The following FRRS1 variants were observed in gnomAD, a reference collection of about 807,000 sequenced individuals.
FRRS1 encodes ferric reductase 1.
In FRRS1, 51 loss-of-function variants were observed where a neutral mutation model predicts 70.7. The observed-to-expected ratio is 0.72, with a 90% CI of 0.58 to 0.91. FRRS1 has a LOEUF of 0.91. Ranked by LOEUF, FRRS1 falls within the 40% of genes least tolerant of loss-of-function variation. The pLI is 0.00. For synonymous variants in FRRS1, 225 were observed against 238.7 expected (o/e 0.94, Z 0.53); for missense variants, 672 against 726.0 (o/e 0.93, Z 0.86).
rs1486298427 is a variant in FRRS1 at position 99,704,873 on chromosome 1, G to T, written c.*4155C>A. On this transcript the variant is annotated 3_prime_UTR_variant, in exon 17 of 17. Coordinates refer to ENST00000646001, the MANE Select transcript of FRRS1 (RefSeq NM_001361041.2). ...GCAGTCTAGCGGCCCAACTCCAGGG[G>T]AAAACCATCTCCCTTCTGGCTCCCC... Among the ~76,000 whole-genome samples, 1 of 152,084 alleles carries T rather than the reference G, an allele frequency of 6.6e-6. No homozygotes were observed. The highest frequency in any genetic ancestry group is 1.5e-5 in the Non-Finnish European group (1 of 68,010).
At chr1:99,717,618 C>T (rs1654600225) in intron 10 of FRRS1, 93 bp from the exon 11 acceptor site, 2 of 799,094 alleles carry the variant, frequency 2.5e-6, no homozygotes, top group Admixed American at 2.0e-5. Flanking sequence ...ATATAAACAG[C>T]CAGCAAAATA....
At chr1:99,757,548 A>C (rs1464780654) in intron 1 of FRRS1, among the ~76,000 whole-genome samples, 1 of 152,220 alleles carries the variant, frequency 6.6e-6, no homozygotes, top group Non-Finnish European at 1.5e-5. Context: ...TTCTCACAGT[A>C]ATCTTCTGTA....
intron 1 of FRRS1, chr1:99,765,638 A>C (rs1323602308): frequency 6.6e-6 from 1 of 152,044 alleles, no homozygotes; most frequent in Non-Finnish European, 1.5e-5. Context: ...GCGGTGGCTC[A>C]AGCCTGTAAT....
At chr1:99,739,879 C>CA (rs1557698604) in intron 6 of FRRS1, among the ~76,000 whole-genome samples, 2 of 103,838 alleles carry the variant, frequency 1.9e-5, no homozygotes, top group Admixed American at 1.8e-4. Context: ...TTTCTCAACA[C>CA]GTTTTTTTTT....
At chr1:99,729,581 A>T (rs970117001) in intron 8 of FRRS1, 69 bp downstream of exon 8, 2 of 953,020 alleles carry the variant, frequency 2.1e-6, no homozygotes, top group Non-Finnish European at 3.3e-6. Context: ...CAGCACAGCC[A>T]CGCCAGTGAT....
intron 7 of FRRS1, among the ~76,000 whole-genome samples, chr1:99,730,543 G>A (rs1307662928): frequency 6.6e-6 from 1 of 152,038 alleles, no homozygotes; most frequent in Non-Finnish European, 1.5e-5. Context: ...GCAATATGGT[G>A]AGACTTCATC....
chr1:99,756,684 G>A (rs2788508), intron 1 of FRRS1, among the ~76,000 whole-genome samples: 4,903 of 152,160 alleles, frequency 0.032, 259 homozygotes, highest in African/African-American at 0.11. Context: ...GTCATTAAAC[G>A]TCTTAGTATT....
intron 9 of FRRS1, among the ~76,000 whole-genome samples, chr1:99,727,170 AT>A (rs1453260732): frequency 2.0e-5 from 3 of 152,244 alleles, no homozygotes; most frequent in Non-Finnish European, 4.4e-5. Context: ...CTTGTATTTT[AT>A]GAAGATAAAA....
rs567318033 is a variant in FRRS1 at position 99,754,531 on chromosome 1, C to T, written c.-105-5530G>A. On this transcript the variant is annotated intron_variant, in intron 1 of 16. Coordinates refer to ENST00000646001, the MANE Select transcript of FRRS1 (RefSeq NM_001361041.2). ...AAAGAGAGAGAGAGAGAGAGAAATG[C>T]ACAGATCCAGAAGGCAGAAAATCAT... Among the ~76,000 whole-genome samples, 3 of 151,730 alleles carry T rather than the reference C, an allele frequency of 2.0e-5. No individual in the cohort carries two copies. The East Asian group carries it at 5.8e-4, about 29-fold the overall frequency.
At chr1:99,750,028 T>C (rs990812525) in intron 1 of FRRS1, among the ~76,000 whole-genome samples, 2 of 152,208 alleles carry the variant, frequency 1.3e-5, no homozygotes, top group African/African-American at 2.4e-5. Context: ...AAAATTATTG[T>C]TTTTTAGTTA....
rs1553173617 is a variant in FRRS1 at position 99,744,075 on chromosome 1, A to AAAAAAAG, written c.334-1803_334-1802insCTTTTTT. Among the ~76,000 whole-genome samples the AAAAAAAG allele has an allele frequency of 6.0e-5, 9 of 150,278 alleles. 1 individual carries two copies. Among genetic ancestry groups the AAAAAAAG allele is most frequent in the African/African-American group, 2.2e-4 (9 of 40,194 alleles). On this transcript the variant is annotated intron_variant, in intron 4 of 16. Coordinates refer to ENST00000646001, the MANE Select transcript of FRRS1 (RefSeq NM_001361041.2). ...TATAAGAACGATTGTAAAAAAAAAA[A>AAAAAAAG]AAAGAAAGAAAAGAAAAGAAAATTC...
chr1:99,755,518 A>G (rs1188148754), intron 1 of FRRS1, among the ~76,000 whole-genome samples: 1 of 152,238 alleles, frequency 6.6e-6, no homozygotes, highest in Non-Finnish European at 1.5e-5. Flanking sequence ...AAATGTAGTC[A>G]TGTGCCACTT....
intron 1 of FRRS1, among the ~76,000 whole-genome samples, chr1:99,758,020 G>A (rs998315252): frequency 6.6e-6 from 1 of 152,052 alleles, no homozygotes; most frequent in Non-Finnish European, 1.5e-5. Flanking sequence ...TGACTTTGAG[G>A]GCTTCAGTAT....
In FRRS1 at chr1:99,756,923, A is replaced by T. The variant is rs193203717; in HGVS notation, c.-105-7922T>A. Among the ~76,000 whole-genome samples the T allele has an allele frequency of 2.8e-4, 43 of 152,254 alleles. 1 individual carries two copies. In the East Asian group the frequency reaches 8.3e-3, roughly 29 times the overall value. ...AGCCCAGTTACACCCACTCTACATTACCTAAGATATGAGTGAAGCAGGTAC... is the reference window on the plus strand; with the variant it reads ...AGCCCAGTTACACCCACTCTACATTTCCTAAGATATGAGTGAAGCAGGTAC... On this transcript the variant is annotated intron_variant, in intron 1 of 16. Transcript: ENST00000646001.
chr1:99,711,592 C>T (rs1359235480), intron 14 of FRRS1: 1 of 153,300 alleles, frequency 6.5e-6, no homozygotes, highest in African/African-American at 2.4e-5. Flanking sequence ...CCCACTCTGA[C>T]AAAGAATCCC....
chr1:99,739,274 G>T (rs1183971830), intron 6 of FRRS1, among the ~76,000 whole-genome samples: 2 of 152,162 alleles, frequency 1.3e-5, no homozygotes, highest in African/African-American at 4.8e-5. Flanking sequence ...CCTATAATTA[G>T]AGATTATAAA....
rs1654051975 is a variant in FRRS1 at position 99,706,932 on chromosome 1, A to G, written c.*2096T>C. On this transcript the variant is annotated 3_prime_UTR_variant, in exon 17 of 17. Transcript: ENST00000646001. ...AGAATTTTTCTTTGTCAGATGTAGA[A>G]TATAACTTAAGAGAAATTTATTAAC... 6.6e-6 allele frequency among the ~76,000 whole-genome samples: 1 copy of G among 152,174 alleles called. No homozygotes were observed. Among genetic ancestry groups the G allele is most frequent in the Admixed American group, 6.6e-5 (1 of 15,266 alleles).
chr1:99,742,310 T>A, intron 4 of FRRS1, 37 bp from the exon 5 acceptor site: 1 of 1,232,052 alleles, frequency 8.1e-7, no homozygotes, highest in Non-Finnish European at 1.2e-6. Flanking sequence ...ATTCAGTCAC[T>A]CAATAGCTCA....
chr1:99,722,405 G>A (rs1654879574), intron 9 of FRRS1, among the ~76,000 whole-genome samples: 1 of 152,028 alleles, frequency 6.6e-6, no homozygotes. Flanking sequence ...ATTCACACAA[G>A]CACCCCACAC....
Sources: gnomAD v4.1 joint callset for allele counts (sites outside exome capture counted in the v4.1 genomes callset) on GRCh38, gnomAD v4.1.1 for gene constraint, MANE v1.5 for transcripts, NCBI Gene and HGNC (gene_info 2026-07-23, HGNC 2026-07-21) for gene names.